ATP6V0B: variants seen among roughly 807,000 people sequenced by gnomAD.
ATP6V0B encodes the protein ATPase H+ transporting V0 subunit b.
In ATP6V0B, 4 loss-of-function variants were observed where a neutral mutation model predicts 26.2. The ratio of observed to expected loss-of-function variants is 0.15; its 90% CI spans 0.08 to 0.35. The LOEUF (loss-of-function observed/expected upper bound fraction) is 0.35. ATP6V0B is among the 10% of genes least tolerant of loss of function. The pLI is 1.00. For synonymous variants in ATP6V0B, 110 were observed against 105.8 expected (o/e 1.04, Z -0.24); for missense variants, 175 against 272.5 (o/e 0.64, Z 2.52).
chr1:43,978,248 C>A lies in ATP6V0B; in HGVS notation c.*241C>A. The stretch of plus-strand genomic sequence containing the variant: ...CTGTGTCCCCCACCTCCACCCTCAA[C>A]CCATCTTCCTAGTGTTTGTGAAATA... On this transcript the variant is annotated 3_prime_UTR_variant, in exon 8 of 8. Coordinates refer to ENST00000472174, the MANE Select transcript of ATP6V0B (RefSeq NM_004047.5). The A allele has an allele frequency of 1.7e-6, 1 of 601,576 alleles. No homozygotes were observed. The highest frequency in any genetic ancestry group is 3.0e-6 in the Non-Finnish European group (1 of 337,238). The allele number at this position is 601,576 out of a possible 1,614,324, so 37.3% of individuals were successfully genotyped here.
chr1:43,978,170 A>G lies in ATP6V0B; in HGVS notation c.*163A>G. On this transcript the variant is annotated 3_prime_UTR_variant, in exon 8 of 8. Transcript: ENST00000472174. Reference sequence around the variant, plus strand: ...TTTGGAGGCACTGCAGTCCAGGCCGAGTCCTCAGTGCGGGGAGCAGGCTGC... The same window carrying G: ...TTTGGAGGCACTGCAGTCCAGGCCGGGTCCTCAGTGCGGGGAGCAGGCTGC... The G allele has an allele frequency of 9.8e-7, 1 of 1,018,202 alleles. No homozygotes were observed. Among genetic ancestry groups the G allele is most frequent in the Non-Finnish European group, 1.5e-6 (1 of 664,034 alleles). 63.1% of individuals were successfully genotyped at this position (1,018,202 alleles called of 1,614,324 possible). A position where few individuals can be genotyped will look rare whatever the true frequency, so the allele number is the denominator to read the frequency against.
Position 43,977,200 on chromosome 1 carries a change from T to A in ATP6V0B, c.575T>A (p.Ile192Asn). The change falls in exon 7 of 8, where the codon ATC becomes AAC. Residue 192 changes from isoleucine to asparagine, a missense_variant. Physicochemically the swap from Ile to Asn is moderately radical, Grantham distance 149. This residue lies in a region of ATP6V0B where 97 missense variants were observed against 158.0 expected (regional missense o/e 0.61). Transcript: ENST00000472174. ...AGCGCCATTGGCCTCTTTGGGGTCA[T>A]CGTCGCAATTCTTCAGGTGATGAAT... Reference protein sequence around the residue: ...FGSAIGLFGVIVAILQTSRVK... With the variant: ...FGSAIGLFGVNVAILQTSRVK... The A allele has an allele frequency of 6.2e-7, 1 of 1,614,262 alleles. No homozygotes were observed. The highest frequency in any genetic ancestry group is 8.5e-7 in the Non-Finnish European group (1 of 1,180,042).
In ATP6V0B at chr1:43,977,892, A is replaced by G. The variant is rs142801742; in HGVS notation, c.592-89A>G. The G allele has an allele frequency of 3.0e-4, 484 of 1,613,948 alleles. 1 individual carries two copies. The African/African-American group carries it at 5.8e-3, about 19-fold the overall frequency. On this transcript the variant is annotated intron_variant, in intron 7 of 7. Coordinates refer to ENST00000472174, the MANE Select transcript of ATP6V0B (RefSeq NM_004047.5). The stretch of plus-strand genomic sequence containing the variant: ...ATATCTCTTGTGGTCTGTCCATCCA[A>G]CCATGTGCTAGATGTCATCTTCTAT...
Position 43,976,451 on chromosome 1 carries a change from T to A in ATP6V0B, c.278+72T>A. 1.3e-6 allele frequency: 2 copies of A among 1,551,838 alleles called. No homozygotes were observed. Among genetic ancestry groups the A allele is most frequent in the Non-Finnish European group, 1.8e-6 (2 of 1,130,802 alleles). ...CGCTGCCTGTGTGTTTGATCTGACA[T>A]ACTGTTTCTGACAAGCCACCTTGTG... On this transcript the variant is annotated intron_variant, in intron 4 of 7. Transcript: ENST00000472174. This position sits in a 1 kb window ranked among gnomAD's most constrained non-coding sequence, Gnocchi z 4.6.
intron 2 of ATP6V0B, 94 bp downstream of exon 2, chr1:43,975,942 C>T (rs557054363): frequency 6.6e-7 from 1 of 1,510,176 alleles, no homozygotes; most frequent in African/African-American, 1.4e-5. Context: ...ACACCACTGC[C>T]TGCCTGGGAC....
intron 1 of ATP6V0B, chr1:43,975,478 T>A (rs2154302946): frequency 1.8e-6 from 1 of 547,486 alleles, no homozygotes. Flanking sequence ...CACCCACAGC[T>A]TGTTGGGTAA....
chr1:43,975,151 C>G (rs977870549), intron 1 of ATP6V0B, 44 bp downstream of exon 1: 29 of 1,406,080 alleles, frequency 2.1e-5, no homozygotes, highest in African/African-American at 9.1e-5. Context: ...CGCGGCCGAG[C>G]TGGCCGGGTC....
Position 43,976,922 on chromosome 1 carries a change from C to G in ATP6V0B, c.400+98C>G, listed in dbSNP as rs1363610220. 34 of 1,601,166 alleles carry G rather than the reference C, an allele frequency of 2.1e-5. No individual in the cohort carries two copies. Among genetic ancestry groups the G allele is most frequent in the Non-Finnish European group, 2.6e-5 (30 of 1,169,060 alleles). On this transcript the variant is annotated intron_variant, in intron 6 of 7. Transcript: ENST00000472174. This position sits in a 1 kb window ranked among gnomAD's most constrained non-coding sequence, Gnocchi z 4.6. ...GGGCCATCATTTTGATATTCTCTCA[C>G]CTACTTTTTCTGCTTTGCAGAGTGG... is the stretch of plus-strand genomic sequence containing the variant.
chr1:43,977,550 A>G, intron 7 of ATP6V0B: 1 of 1,424,238 alleles, frequency 7.0e-7, no homozygotes, highest in Non-Finnish European at 9.1e-7. Context: ...ACTAGAATGG[A>G]ATTTTGTCTG....
intron 7 of ATP6V0B, chr1:43,977,731 G>A: frequency 6.9e-7 from 1 of 1,441,670 alleles, no homozygotes; most frequent in Non-Finnish European, 9.1e-7. Context: ...GTGACTGTGG[G>A]TGCTTGACTG....
At chr1:43,975,774 C>G (rs375562109) in intron 1 of ATP6V0B, 26 bp from the exon 2 acceptor site, 24 of 1,584,042 alleles carry the variant, frequency 1.5e-5, no homozygotes, top group Non-Finnish European at 2.0e-5. Context: ...AGCCCGTAAC[C>G]CCCTTTTTCT....
chr1:43,975,033 T>TCGC lies in ATP6V0B; in HGVS notation c.-3_-1dup. ...CCCGCCGTTCCGACCCCCGCCGCCG[T>TCGC]CGCCGCCATGACGGGGCTAGCACTG... On this transcript the variant is annotated 5_prime_UTR_variant, in exon 1 of 8. Transcript: ENST00000472174. The TCGC allele has an allele frequency of 7.9e-7, 1 of 1,269,040 alleles. No homozygotes were observed. The highest frequency in any genetic ancestry group is 1.0e-6 in the Non-Finnish European group (1 of 1,003,440). 78.6% of individuals were successfully genotyped at this position (1,269,040 alleles called of 1,614,324 possible).
chr1:43,975,068 G>T lies in ATP6V0B; in HGVS notation c.28G>T (p.Gly10Trp). Reference sequence around the variant, plus strand: ...GACGGGGCTAGCACTGCTCTACTCCGGGGTCTTCGTGGCCTTCTGGGCCTG... The same window carrying T: ...GACGGGGCTAGCACTGCTCTACTCCTGGGTCTTCGTGGCCTTCTGGGCCTG... MTGLALLYS[G>W]VFVAFWACAL... The change falls in exon 1 of 8, where the codon GGG becomes TGG. Residue 10 changes from glycine to tryptophan, a missense_variant. By Grantham distance (184) the Gly-to-Trp change is radical. Around this residue, in one of 3 missense-constraint regions of ATP6V0B, gnomAD observed 75 missense variants for 94.7 expected, o/e 0.79. Transcript: ENST00000472174. 1.4e-6 allele frequency: 2 copies of T among 1,398,520 alleles called. No homozygotes were observed. The allele number at this position is 1,398,520 out of a possible 1,614,324, so 86.6% of individuals were successfully genotyped here.
At position 43,976,839 on chromosome 1, in the gene ATP6V0B, G is replaced by A. The variant is rs200988092; in HGVS notation, c.400+15G>A. The A allele has an allele frequency of 2.4e-4, 384 of 1,614,042 alleles. 5 individuals are homozygous for A. The East Asian group carries it at 8.2e-3, about 34-fold the overall frequency. On this transcript the variant is annotated intron_variant, in intron 6 of 7. Transcript: ENST00000472174. This position sits in a 1 kb window ranked among gnomAD's most constrained non-coding sequence, Gnocchi z 4.6. ...CTACCATGCAGGTGGGTGGATGGGC[G>A]TATGAATGCAAAATGCTGGGACTTC... is the stretch of plus-strand genomic sequence containing the variant.
At position 43,975,069 on chromosome 1, in the gene ATP6V0B, G is replaced by T; in HGVS notation, c.29G>T (p.Gly10Val). ...ACGGGGCTAGCACTGCTCTACTCCG[G>T]GGTCTTCGTGGCCTTCTGGGCCTGC... MTGLALLYSGVFVAFWACAL... is the reference protein window; with the variant it reads MTGLALLYSVVFVAFWACAL... Residue 10 changes from glycine (G) to valine (V), a missense_variant, in exon 1 of 8, where the codon GGG (glycine) becomes GTG (valine). Around this residue, in one of 3 missense-constraint regions of ATP6V0B, gnomAD observed 75 missense variants for 94.7 expected, o/e 0.79. Transcript: ENST00000472174. The T allele has an allele frequency of 7.1e-7, 1 of 1,399,462 alleles. No individual in the cohort carries two copies. Among genetic ancestry groups the T allele is most frequent in the Non-Finnish European group, 9.2e-7 (1 of 1,081,268 alleles). The allele number at this position is 1,399,462 out of a possible 1,614,324, so 86.7% of individuals were successfully genotyped here.
chr1:43,977,552 T>C (rs1247483970), intron 7 of ATP6V0B: 2 of 1,425,246 alleles, frequency 1.4e-6, no homozygotes, highest in Non-Finnish European at 1.8e-6. Context: ...TAGAATGGAA[T>C]TTTGTCTGTC....
At position 43,976,406 on chromosome 1, in the gene ATP6V0B, G is replaced by T. The variant is rs1401115290; in HGVS notation, c.278+27G>T. The T allele has an allele frequency of 1.9e-6, 3 of 1,596,708 alleles. No individual in the cohort carries two copies. The highest frequency in any genetic ancestry group is 4.5e-5 in the East Asian group (2 of 44,664). On this transcript the variant is annotated intron_variant, in intron 4 of 7. Transcript: ENST00000472174. This position sits in a 1 kb window ranked among gnomAD's most constrained non-coding sequence, Gnocchi z 4.6. The stretch of plus-strand genomic sequence containing the variant: ...TAAGTGTCAGGGTCCTTGGACTTTT[G>T]TCAGAACCAGCTGTGTTGGCGCTGC...
At chr1:43,977,274 C>T (rs761108601) in intron 7 of ATP6V0B, 58 bp downstream of exon 7, 5 of 1,613,924 alleles carry the variant, frequency 3.1e-6, no homozygotes, top group African/African-American at 2.7e-5. Flanking sequence ...CCTTACCCTC[C>T]TTCTGGAGAA....
Position 43,978,237 on chromosome 1 carries a change from T to G in ATP6V0B, c.*230T>G, listed in dbSNP as rs777836130. On this transcript the variant is annotated 3_prime_UTR_variant, in exon 8 of 8. Transcript: ENST00000472174. Reference sequence around the variant, plus strand: ...CAGCTGCGCACCTGTGTCCCCCACCTCCACCCTCAACCCATCTTCCTAGTG... The same window carrying G: ...CAGCTGCGCACCTGTGTCCCCCACCGCCACCCTCAACCCATCTTCCTAGTG... The G allele has an allele frequency of 4.9e-6, 3 of 615,156 alleles. No homozygotes were observed. The highest frequency in any genetic ancestry group is 5.8e-6 in the Non-Finnish European group (2 of 346,360). The allele number at this position is 615,156 out of a possible 1,614,324, so 38.1% of individuals were successfully genotyped here.
Sources: allele counts gnomAD v4.1 joint callset, GRCh38; gene constraint gnomAD v4.1.1; regional missense constraint gnomAD v4.1.1; non-coding constraint Gnocchi (gnomAD v3.1); transcripts MANE v1.5; gene names NCBI Gene and HGNC (gene_info 2026-07-23, HGNC 2026-07-21).